MPND: variants seen among roughly 807,000 people sequenced by gnomAD.
The protein encoded by MPND is MPN domain-containing protein.
Under a neutral mutation model 59.2 loss-of-function variants are expected in MPND, and 56 were observed. That is an observed-to-expected ratio of 0.95 (90% CI 0.76 to 1.18). MPND has a LOEUF of 1.18. Among genes scored for constraint, MPND ranks in the 50% most tolerant of loss-of-function variants. The pLI is 0.00. For synonymous variants in MPND, 323 were observed against 291.9 expected (o/e 1.11, Z -1.09); for missense variants, 671 against 676.0 (o/e 0.99, Z 0.08).
At chr19:4,346,453 T>C (rs1241028367) in intron 3 of MPND, among the ~76,000 whole-genome samples, 1 of 152,106 alleles carries the variant, frequency 6.6e-6, no homozygotes, top group Non-Finnish European at 1.5e-5. Flanking sequence ...GGTCTCACTC[T>C]GTGGCCCAGG....
At position 4,359,913 on chromosome 19, in the gene MPND, C is replaced by T. The variant is rs1466910854; in HGVS notation, c.1420-3C>T. 8.3e-6 allele frequency: 13 copies of T among 1,562,984 alleles called. No homozygotes were observed. The East Asian group carries it at 2.9e-4, about 35-fold the overall frequency. ...AGCCTGAGGCCCAGCCCCCTCGTTT[C>T]AGATCTCCTTGGCCAGCAGGACGCC... On this transcript the variant is annotated splice_region_variant and splice_polypyrimidine_tract_variant and intron_variant, in intron 12 of 12. Coordinates refer to ENST00000599840, the MANE Select transcript of MPND (RefSeq NM_001300862.2).
intron 3 of MPND, among the ~76,000 whole-genome samples, chr19:4,350,501 T>G (rs887535331): frequency 6.6e-6 from 1 of 152,080 alleles, no homozygotes; most frequent in Non-Finnish European, 1.5e-5. Flanking sequence ...AGTGAGCTGG[T>G]CCAGGTGAGG....
Position 4,343,761 on chromosome 19 carries a change from GA to G in MPND, c.62del (p.Asp21AlafsTer115), listed in dbSNP as rs1394713111. ...TGCGGGCGAGGAGGCGCCGGAGGAG[GA>G]CGAGGACGAAGCGGAGGCCGAGGAC... ...GGAGEEAPEE[D>X]EDEAEAEDPE... On this transcript the variant is annotated frameshift_variant, in exon 2 of 13. Transcript: ENST00000599840. LOFTEE classifies it high-confidence loss of function. 1 of 1,209,370 alleles carries G rather than the reference GA, an allele frequency of 8.3e-7. No individual in the cohort carries two copies. The highest frequency in any genetic ancestry group is 4.4e-5 in the Admixed American group (1 of 22,644). 74.9% of individuals were successfully genotyped at this position (1,209,370 alleles called of 1,614,324 possible). A position where few individuals can be genotyped will look rare whatever the true frequency, so the allele number is the denominator to read the frequency against.
At chr19:4,358,633 A>T (rs1972499905) in intron 11 of MPND, among the ~76,000 whole-genome samples, 1 of 152,170 alleles carries the variant, frequency 6.6e-6, no homozygotes, top group African/African-American at 2.4e-5. Flanking sequence ...ACCAAGATAG[A>T]AAAGCTAGCC....
intron 8 of MPND, among the ~76,000 whole-genome samples, chr19:4,355,557 G>A (rs1242451517): frequency 1.3e-5 from 2 of 152,052 alleles, no homozygotes; most frequent in Non-Finnish European, 1.5e-5. Context: ...GGATGGTCTC[G>A]ATCCCCTGAC....
chr19:4,354,424 T>A lies in MPND; in HGVS notation c.846+4T>A. Reference sequence around the variant, plus strand: ...TAGCAACGTGCTGTTCCTGCTGGTGTGTGGCCCACCCTGTCTAGGGGCAAG... The same window carrying A: ...TAGCAACGTGCTGTTCCTGCTGGTGAGTGGCCCACCCTGTCTAGGGGCAAG... On this transcript the variant is annotated splice_donor_region_variant and intron_variant, in intron 6 of 12. Transcript: ENST00000599840. 1 of 1,554,086 alleles carries A rather than the reference T, an allele frequency of 6.4e-7. No individual in the cohort carries two copies. Among genetic ancestry groups the A allele is most frequent in the Non-Finnish European group, 8.7e-7 (1 of 1,147,952 alleles).
At position 4,355,072 on chromosome 19, in the gene MPND, G is replaced by A. The variant is rs1972405631; in HGVS notation, c.920-25G>A. ...GGGGCGTTGGAGGACCGGGGTCACGGGGTCACAGCTGCCCCTCCCCACAGT... is the reference window on the plus strand; with the variant it reads ...GGGGCGTTGGAGGACCGGGGTCACGAGGTCACAGCTGCCCCTCCCCACAGT... On this transcript the variant is annotated intron_variant, in intron 7 of 12. Transcript: ENST00000599840. The A allele has an allele frequency of 1.9e-6, 3 of 1,613,434 alleles. No homozygotes were observed. The Admixed American group carries it at 5.0e-5, about 27-fold the overall frequency.
In MPND at chr19:4,360,065, A is replaced by C. The variant is rs912481168; in HGVS notation, c.*63A>C. On this transcript the variant is annotated 3_prime_UTR_variant, in exon 13 of 13. Transcript: ENST00000599840. The stretch of plus-strand genomic sequence containing the variant: ...GTCCGGATGGGCTCAGGTAATAAAG[A>C]AACGGAAGCAGCAGCCAGCCACGCT... 15 of 1,435,240 alleles carry C rather than the reference A, an allele frequency of 1.0e-5. No individual in the cohort carries two copies. In the African/African-American group the frequency reaches 2.0e-4, roughly 19 times the overall value. The allele number at this position is 1,435,240 out of a possible 1,614,324, so 88.9% of individuals were successfully genotyped here. A position where few individuals can be genotyped will look rare whatever the true frequency, so the allele number is the denominator to read the frequency against.
At chr19:4,358,367 C>T (rs1012754288) in intron 11 of MPND, 195 bp downstream of exon 11, 6 of 586,402 alleles carry the variant, frequency 1.0e-5, no homozygotes, top group African/African-American at 3.7e-5. Context: ...TGCCCTCCCT[C>T]ACCTCCCCAC....
At chr19:4,359,874 G>A in intron 12 of MPND, 42 bp from the exon 13 acceptor site, 6 of 1,503,762 alleles carry the variant, frequency 4.0e-6, no homozygotes, top group Non-Finnish European at 5.4e-6. Context: ...GGGCTGGCTA[G>A]GACCCCCGGG....
chr19:4,359,839 C>A, intron 12 of MPND, 77 bp from the exon 13 acceptor site: 1 of 1,217,012 alleles, frequency 8.2e-7, no homozygotes, highest in South Asian at 1.4e-5. Flanking sequence ...GGATGCTGGA[C>A]TTGCACGGTG....
At chr19:4,358,654 G>A (rs1972500445) in intron 11 of MPND, among the ~76,000 whole-genome samples, 1 of 152,208 alleles carries the variant, frequency 6.6e-6, no homozygotes, top group Non-Finnish European at 1.5e-5. Context: ...AGGAGTGGTG[G>A]CGGGTGCCTA....
chr19:4,344,067 C>A, intron 2 of MPND, 73 bp downstream of exon 2: 1 of 1,114,208 alleles, frequency 9.0e-7, no homozygotes, highest in Non-Finnish European at 1.1e-6. Context: ...AGTTCCCTTG[C>A]TGCAGGACAA....
At position 4,358,087 on chromosome 19, in the gene MPND, G is replaced by T; in HGVS notation, c.1241G>T (p.Arg414Met). ...PFWVMPPPEQ[R>M]PSDYGIPMDV... is the part of the protein sequence containing the mutation. ...ACTGGTCTGTGTCCCTGCCAGCAAA[G>T]GCCCAGTGACTATGGCATCCCCATG... The change falls in exon 11 of 13, where the codon AGG (arginine) becomes ATG (methionine). Residue 414 changes from arginine to methionine, a missense_variant. Coordinates refer to ENST00000599840, the MANE Select transcript of MPND (RefSeq NM_001300862.2). The T allele has an allele frequency of 1.9e-6, 3 of 1,551,368 alleles. No individual in the cohort carries two copies. The highest frequency in any genetic ancestry group is 1.2e-5 in the South Asian group (1 of 84,068).
At chr19:4,357,942 C>T in intron 10 of MPND, 141 bp from the exon 11 acceptor site, 1 of 680,200 alleles carries the variant, frequency 1.5e-6, no homozygotes, top group Non-Finnish European at 2.6e-6. Context: ...TCCCTGGTCC[C>T]ACCACCAGGT....
chr19:4,355,052 G>A (rs762326423), intron 7 of MPND, 31 bp downstream of exon 7: 68 of 1,611,268 alleles, frequency 4.2e-5, no homozygotes, highest in South Asian at 4.0e-4. Context: ...GGGCGGGGGC[G>A]TTGGAGGACC....
chr19:4,346,885 C>T (rs886877845), intron 3 of MPND, among the ~76,000 whole-genome samples: 14 of 151,934 alleles, frequency 9.2e-5, no homozygotes, highest in African/African-American at 3.1e-4. Flanking sequence ...CAAAAATTAG[C>T]CAGGCGTGGT....
At position 4,343,876 on chromosome 19, in the gene MPND, G is replaced by T. The variant is rs1446675133; in HGVS notation, c.176G>T (p.Gly59Val). 8.1e-7 allele frequency: 1 copy of T among 1,229,176 alleles called. No homozygotes were observed. The highest frequency in any genetic ancestry group is 1.0e-6 in the Non-Finnish European group (1 of 990,078). The allele number at this position is 1,229,176 out of a possible 1,614,324, so 76.1% of individuals were successfully genotyped here. ...GGAGGAGGCGGCGGCGGCGGGGCCG[G>T]GGCGGGGGGCTGCGGCGGGCCCGGG... ...VSGGGGGGGAGAGGCGGPGGA... is the reference protein window; with the variant it reads ...VSGGGGGGGAVAGGCGGPGGA... Residue 59 changes from glycine to valine, a missense_variant, in exon 2 of 13, where the codon GGG (glycine) becomes GTG (valine). Gly to Val is a moderately radical substitution (Grantham distance 109, BLOSUM62 -3). Coordinates refer to ENST00000599840, the MANE Select transcript of MPND (RefSeq NM_001300862.2).
chr19:4,344,780 C>T (rs1304605888), intron 2 of MPND, among the ~76,000 whole-genome samples: 2 of 149,298 alleles, frequency 1.3e-5, no homozygotes, highest in African/African-American at 2.5e-5. Flanking sequence ...GCTTTTTTGC[C>T]CAGGCTGGAA....
Sources: allele counts gnomAD v4.1 joint callset (sites outside exome capture counted in the v4.1 genomes callset), GRCh38; gene constraint gnomAD v4.1.1; transcripts MANE v1.5; gene names NCBI Gene and HGNC (gene_info 2026-07-23, HGNC 2026-07-21).